CSN2: variants seen among roughly 807,000 people sequenced by gnomAD.
The protein encoded by CSN2 is casein beta.
In CSN2, 27 loss-of-function variants were observed where a neutral mutation model predicts 27.3. The ratio of observed to expected loss-of-function variants is 0.99; its 90% confidence interval spans 0.73 to 1.36. The LOEUF (loss-of-function observed/expected upper bound fraction) is 1.36. Ranked by LOEUF, CSN2 falls within the 40% of genes most tolerant of loss-of-function variation. CSN2 has a pLI of 0.00. For synonymous variants in CSN2, 131 were observed against 94.8 expected, an observed-to-expected ratio of 1.38 and a Z score of -2.22; for missense variants, 333 against 264.5, an observed-to-expected ratio of 1.26 and a Z score of -1.80.
chr4:69,961,900 T>G (rs1285147105), intron 1 of CSN2, among the ~76,000 whole-genome samples: 2 of 152,064 alleles, frequency 1.3e-5, no homozygotes, highest in Non-Finnish European at 1.5e-5. Context: ...GGATACAAAA[T>G]CAATGTGCAA....
At chr4:69,963,600 TG>T (rs1400970181) in intron 1 of CSN2, among the ~76,000 whole-genome samples, 2 of 144,894 alleles carry the variant, frequency 1.4e-5, no homozygotes, top group Non-Finnish European at 3.0e-5. Flanking sequence ...GTGGGGGGAG[TG>T]GGGAGGGATA....
Position 69,957,316 on chromosome 4 carries a change from G to A in CSN2, c.633C>T (p.Tyr211=), listed in dbSNP as rs768474135. 1.9e-6 allele frequency: 3 copies of A among 1,598,666 alleles called. No homozygotes were observed. The East Asian group carries it at 6.7e-5, about 36-fold the overall frequency. ...CTGGGGCAAGTGGCTGAGTCACAGG[G>A]TAGATCTGGTGGGTGGGGTTAAGTA... is the stretch of plus-strand genomic sequence containing the variant. ...ELLLNPTHQI[Y]PVTQPLAPVH... is the part of the protein sequence containing the mutation. The change falls in exon 6 of 8, where the codon TAC becomes TAT. Residue 211 remains tyrosine, a synonymous_variant. Transcript: ENST00000353151.
At chr4:69,963,471 C>T (rs1723676375) in intron 1 of CSN2, among the ~76,000 whole-genome samples, 1 of 151,654 alleles carries the variant, frequency 6.6e-6, no homozygotes. Flanking sequence ...TCATTCTCAG[C>T]AAACTATCGC....
At chr4:69,965,153 G>A (rs1723754224) in intron 1 of CSN2, among the ~76,000 whole-genome samples, 1 of 150,952 alleles carries the variant, frequency 6.6e-6, no homozygotes. Context: ...CAAGTTTGAT[G>A]AGTAAACTCT....
At chr4:69,957,049 T>C (rs537035196) in intron 6 of CSN2, among the ~76,000 whole-genome samples, 1 of 152,276 alleles carries the variant, frequency 6.6e-6, no homozygotes, top group Non-Finnish European at 1.5e-5. Flanking sequence ...ATATACCTAA[T>C]GTTAAATGAC....
In CSN2 at chr4:69,956,296, C is replaced by A; in HGVS notation, c.*36+18G>T. On this transcript the variant is annotated intron_variant, in intron 7 of 7. Transcript: ENST00000353151. ...GTATAAAAATGATCAATTAAATCTC[C>A]AAACTCCCAAAACTTACCAAAAATA... The A allele has an allele frequency of 7.3e-7, 1 of 1,365,346 alleles. No homozygotes were observed. Among genetic ancestry groups the A allele is most frequent in the South Asian group, 1.9e-5 (1 of 53,736 alleles). The allele number at this position is 1,365,346 out of a possible 1,614,324, so 84.6% of individuals were successfully genotyped here.
Position 69,958,933 on chromosome 4 carries a change from T to A in CSN2, c.120A>T (p.Lys40Asn). The stretch of plus-strand genomic sequence containing the variant: ...CCTCTCCTTGCTGCTGGTCCTCATG[T>A]TTAACCTTCTCAACTTTCTGCTAAA... ...TEYKQKVEKV[K>N]HEDQQQGEDE... The change falls in exon 5 of 8, where the codon AAA becomes AAT. Residue 40 changes from lysine to asparagine, a missense_variant. By Grantham distance (94) the Lys-to-Asn change is moderately conservative (BLOSUM62 0). Coordinates refer to ENST00000353151, the MANE Select transcript of CSN2 (RefSeq NM_001891.4). 6.3e-7 allele frequency: 1 copy of A among 1,598,084 alleles called. No individual in the cohort carries two copies. Among genetic ancestry groups the A allele is most frequent in the South Asian group, 1.1e-5 (1 of 89,680 alleles).
Position 69,957,797 on chromosome 4 carries a change from T to C in CSN2, c.152A>G (p.His51Arg), listed in dbSNP as rs1050853879. 1.9e-6 allele frequency: 3 copies of C among 1,611,584 alleles called. No homozygotes were observed. The highest frequency in any genetic ancestry group is 3.3e-5 in the Admixed American group (2 of 59,780). Reference sequence around the variant, plus strand: ...GAAAGAGGGGTAGATTTTATCCTGGTGTTCATCCTGGAAAGAAGGAAAAAG... The same window carrying C: ...GAAAGAGGGGTAGATTTTATCCTGGCGTTCATCCTGGAAAGAAGGAAAAAG... ...HEDQQQGEDE[H>R]QDKIYPSFQP... is the part of the protein sequence containing the mutation. The change falls in exon 6 of 8, where the codon CAC becomes CGC. Residue 51 changes from histidine (H) to arginine (R), a missense_variant. Physicochemically the swap from His to Arg is conservative, Grantham distance 29. Coordinates refer to ENST00000353151, the MANE Select transcript of CSN2 (RefSeq NM_001891.4).
chr4:69,960,940 C>T lies in CSN2; in HGVS notation c.51+5G>A, dbSNP rs764524368. ...TTGTTTAGGAATTTTTTCTTGTGCA[C>T]ATACCTCCCTTGCAAGAGCAAGAGC... On this transcript the variant is annotated splice_donor_5th_base_variant and intron_variant, in intron 2 of 7. Coordinates refer to ENST00000353151, the MANE Select transcript of CSN2 (RefSeq NM_001891.4). 4.3e-6 allele frequency: 7 copies of T among 1,612,400 alleles called. No homozygotes were observed. Among genetic ancestry groups the T allele is most frequent in the East Asian group, 2.2e-5 (1 of 44,850 alleles).
At chr4:69,960,127 G>C in intron 2 of CSN2, 48 bp from the exon 3 acceptor site, 6 of 1,551,960 alleles carry the variant, frequency 3.9e-6, no homozygotes, top group South Asian at 1.1e-5. Flanking sequence ...TAGATCATTA[G>C]AGAATTTTAC....
At chr4:69,961,954 G>A (rs1165256456) in intron 1 of CSN2, among the ~76,000 whole-genome samples, 3 of 152,096 alleles carry the variant, frequency 2.0e-5, no homozygotes, top group Non-Finnish European at 4.4e-5. Flanking sequence ...CAAACAGAGA[G>A]CCAAATCATG....
intron 5 of CSN2, among the ~76,000 whole-genome samples, chr4:69,958,674 A>C (rs972062765): frequency 6.6e-6 from 1 of 152,116 alleles, no homozygotes; most frequent in African/African-American, 2.4e-5. Context: ...ATATACCATT[A>C]GTAATATCAT....
At chr4:69,961,414 A>G (rs1723576262) in intron 1 of CSN2, among the ~76,000 whole-genome samples, 1 of 152,196 alleles carries the variant, frequency 6.6e-6, no homozygotes, top group African/African-American at 2.4e-5. Context: ...CCTGGGATGC[A>G]AGGCTGGTTC....
chr4:69,957,650 T>C lies in CSN2; in HGVS notation c.299A>G (p.Glu100Gly), dbSNP rs201368395. The C allele has an allele frequency of 2.5e-6, 4 of 1,613,882 alleles. No individual in the cohort carries two copies. The highest frequency in any genetic ancestry group is 1.1e-5 in the South Asian group (1 of 91,064). Residue 100 changes from glutamate to glycine, a missense_variant, in exon 6 of 8, where the codon GAA becomes GGA. Physicochemically the swap from Glu to Gly is moderately conservative, Grantham distance 98. Transcript: ENST00000353151. ...GACAGTGTCTTTAGCTTTAGGGACTTCCATTATTTCAGGCTGAGGGACAGG... is the reference window on the plus strand; with the variant it reads ...GACAGTGTCTTTAGCTTTAGGGACTCCCATTATTTCAGGCTGAGGGACAGG... ...VLPVPQPEIMEVPKAKDTVYT... is the reference protein window; with the variant it reads ...VLPVPQPEIMGVPKAKDTVYT...
chr4:69,965,267 A>T (rs1253591520), intron 1 of CSN2, among the ~76,000 whole-genome samples: 1 of 151,414 alleles, frequency 6.6e-6, no homozygotes, highest in Non-Finnish European at 1.5e-5. Flanking sequence ...CTGCTGGACA[A>T]AGCTTTTCCA....
intron 2 of CSN2, among the ~76,000 whole-genome samples, chr4:69,960,690 A>AT (rs1723546367): frequency 6.6e-6 from 1 of 151,958 alleles, no homozygotes; most frequent in African/African-American, 2.4e-5. Context: ...CATTTTTATG[A>AT]TTTTTTATTA....
chr4:69,965,135 G>T (rs1206937134), intron 1 of CSN2, among the ~76,000 whole-genome samples: 1 of 150,646 alleles, frequency 6.6e-6, no homozygotes, highest in Non-Finnish European at 1.5e-5. Context: ...GAAGTTTGAG[G>T]CTCTAGACAA....
At chr4:69,962,314 T>A (rs1015564371) in intron 1 of CSN2, among the ~76,000 whole-genome samples, 1 of 152,160 alleles carries the variant, frequency 6.6e-6, no homozygotes, top group African/African-American at 2.4e-5. Context: ...GGAGGCATCA[T>A]GCTACCTGAC....
Position 69,957,294 on chromosome 4 carries a change from G to C in CSN2, c.655C>G (p.Pro219Ala). 1 of 1,568,572 alleles carries C rather than the reference G, an allele frequency of 6.4e-7. No individual in the cohort carries two copies. The highest frequency in any genetic ancestry group is 2.3e-5 in the East Asian group (1 of 44,360). ...CTTACACTAATGGGGTTATGAACTG[G>C]GGCAAGTGGCTGAGTCACAGGGTAG... ...QIYPVTQPLA[P>A]VHNPISV The change falls in exon 6 of 8, where the codon CCA becomes GCA. Residue 219 changes from proline (P) to alanine (A), a missense_variant. Pro to Ala is a conservative substitution (Grantham distance 27, BLOSUM62 -1). Transcript: ENST00000353151.
Sources: gnomAD v4.1 joint callset for allele counts (sites outside exome capture counted in the v4.1 genomes callset) on GRCh38, gnomAD v4.1.1 for gene constraint, MANE v1.5 for transcripts, NCBI Gene and HGNC (gene_info 2026-07-23, HGNC 2026-07-21) for gene names.